FANCC: variants seen among roughly 807,000 people sequenced by gnomAD.
FANCC encodes Fanconi anemia group C protein.
A neutral mutation model predicts 71.3 loss-of-function variants in FANCC; 55 were observed. That is an observed-to-expected ratio of 0.77 (90% CI 0.62 to 0.97). The LOEUF is 0.97. Ranked by LOEUF, FANCC falls within the 50% of genes least tolerant of loss-of-function variation. The pLI is 0.00. For synonymous variants in FANCC, 275 were observed against 244.9 expected (o/e 1.12, Z -1.15); for missense variants, 678 against 670.9 (o/e 1.01, Z -0.12).
At chr9:95,283,450 T>G (rs1833489934) in intron 1 of FANCC, among the ~76,000 whole-genome samples, 2 of 152,212 alleles carry the variant, frequency 1.3e-5, no homozygotes, top group East Asian at 3.9e-4. Context: ...ACAGGACCAA[T>G]AAGGCAGTCT....
chr9:95,267,082 C>T (rs1369564436), intron 1 of FANCC, among the ~76,000 whole-genome samples: 1 of 152,102 alleles, frequency 6.6e-6, no homozygotes, highest in Non-Finnish European at 1.5e-5. Flanking sequence ...GAGGACAAAA[C>T]CATGAGCAGC....
chr9:95,292,824 A>C (rs747816730), intron 1 of FANCC: 129 of 1,581,616 alleles, frequency 8.2e-5, no homozygotes, highest in South Asian at 4.0e-4. Flanking sequence ...TGCTGAGAAG[A>C]AGCACAAATG....
chr9:95,128,592 G>A (rs1230186176), intron 8 of FANCC, among the ~76,000 whole-genome samples: 1 of 152,224 alleles, frequency 6.6e-6, no homozygotes, highest in Non-Finnish European at 1.5e-5. Flanking sequence ...CACTGGGGGA[G>A]CAAGGAAGAC....
At chr9:95,148,026 C>T (rs1014789192) in intron 7 of FANCC, among the ~76,000 whole-genome samples, 7 of 151,904 alleles carry the variant, frequency 4.6e-5, no homozygotes, top group African/African-American at 1.7e-4. Flanking sequence ...GCACTGATAG[C>T]GCAAAAGCAA....
Position 95,120,538 on chromosome 9 carries a change from C to T in FANCC, c.997-3148G>A, listed in dbSNP as rs138417993. Among the ~76,000 whole-genome samples, 216 of 152,146 alleles carry T rather than the reference C, an allele frequency of 1.4e-3. 1 individual carries two copies. The highest frequency in any genetic ancestry group is 5.1e-3 in the African/African-American group (210 of 41,498). ...CAAGCAATCCTCCCACTTCACCCCCCGAGTAGCCGGGACTACAGGCATGCA... is the reference window on the plus strand; with the variant it reads ...CAAGCAATCCTCCCACTTCACCCCCTGAGTAGCCGGGACTACAGGCATGCA... On this transcript the variant is annotated intron_variant, in intron 10 of 14. Coordinates refer to ENST00000289081, the MANE Select transcript of FANCC (RefSeq NM_000136.3).
Position 95,101,656 on chromosome 9 carries a change from C to G in FANCC, c.*51G>C. ...CACAGGTCATCACCTGTCCTGTGGC[C>G]CTGGCGAGCCTGATCCCTCACGCCG... On this transcript the variant is annotated 3_prime_UTR_variant, in exon 15 of 15. Coordinates refer to ENST00000289081, the MANE Select transcript of FANCC (RefSeq NM_000136.3). The G allele has an allele frequency of 6.2e-7, 1 of 1,609,580 alleles. No homozygotes were observed.
chr9:95,117,295 C>G lies in FANCC; in HGVS notation c.1072+20G>C. On this transcript the variant is annotated intron_variant, in intron 11 of 14. Transcript: ENST00000289081. ...TCCCAGGAAATCATTCTGATGTGGG[C>G]AAAGTCAACCCTAACTCACCTTGAG... 1 of 1,611,982 alleles carries G rather than the reference C, an allele frequency of 6.2e-7. No individual in the cohort carries two copies. Among genetic ancestry groups the G allele is most frequent in the South Asian group, 1.1e-5 (1 of 90,836 alleles).
intron 4 of FANCC, among the ~76,000 whole-genome samples, chr9:95,175,659 G>A (rs1007129584): frequency 2.0e-5 from 3 of 152,242 alleles, no homozygotes; most frequent in Non-Finnish European, 1.5e-5. Flanking sequence ...ATCTGTGGAA[G>A]TGCTTACTGC....
chr9:95,222,366 G>T (rs76386703), intron 4 of FANCC, among the ~76,000 whole-genome samples: 3 of 152,012 alleles, frequency 2.0e-5, no homozygotes, highest in African/African-American at 7.3e-5. Flanking sequence ...ACATTATGCC[G>T]AATGAAGGAT....
At chr9:95,125,234 A>T in intron 9 of FANCC, 49 bp from the exon 10 acceptor site, 5 of 1,479,802 alleles carry the variant, frequency 3.4e-6, no homozygotes, top group Non-Finnish European at 4.7e-6. Flanking sequence ...GTAATCCGGC[A>T]AACATGAAAA....
At chr9:95,212,526 T>C (rs1828568309) in intron 4 of FANCC, among the ~76,000 whole-genome samples, 1 of 151,638 alleles carries the variant, frequency 6.6e-6, no homozygotes, top group East Asian at 1.9e-4. Flanking sequence ...GAAGGTGAAA[T>C]AAGGCCTCTT....
rs730881729 is a variant in FANCC, at chr9:95,101,741, C to A, written c.1643G>T (p.Arg548Leu). The change falls in exon 15 of 15, where the codon CGA (arginine) becomes CTA (leucine). Residue 548 changes from arginine (R) to leucine (L), a missense_variant. Transcript: ENST00000289081. ...AGTTCGCAGCTCTTTAAGGAGCTCT[C>A]GGGCCAGTTTTTCTGATCTAGGGCT... is the stretch of plus-strand genomic sequence containing the variant. Reference protein sequence around the residue: ...IESPRSEKLARELLKELRTQV With the variant: ...IESPRSEKLALELLKELRTQV The A allele has an allele frequency of 6.2e-7, 1 of 1,613,964 alleles. No homozygotes were observed. Among genetic ancestry groups the A allele is most frequent in the Non-Finnish European group, 8.5e-7 (1 of 1,180,024 alleles).
At chr9:95,146,292 G>C (rs988903312) in intron 7 of FANCC, among the ~76,000 whole-genome samples, 1 of 151,816 alleles carries the variant, frequency 6.6e-6, no homozygotes, top group Non-Finnish European at 1.5e-5. Flanking sequence ...TTCAAGACCA[G>C]CCTAGGCAAC....
intron 1 of FANCC, chr9:95,294,088 C>T: frequency 2.5e-6 from 4 of 1,610,854 alleles, no homozygotes; most frequent in Non-Finnish European, 2.5e-6. Context: ...GACAGATAAT[C>T]AGACCCAAAC....
chr9:95,227,387 G>A (rs1179574559), intron 4 of FANCC, among the ~76,000 whole-genome samples: 1 of 152,162 alleles, frequency 6.6e-6, no homozygotes, highest in Non-Finnish European at 1.5e-5. Context: ...AAATCCAGAG[G>A]AGCCAACCAA....
intron 1 of FANCC, among the ~76,000 whole-genome samples, chr9:95,282,987 C>G (rs915693843): frequency 6.6e-6 from 1 of 152,108 alleles, no homozygotes; most frequent in African/African-American, 2.4e-5. Context: ...TAACCCAAAG[C>G]CCAAACTTTG....
At chr9:95,211,809 C>T (rs1378207859) in intron 4 of FANCC, among the ~76,000 whole-genome samples, 6 of 147,926 alleles carry the variant, frequency 4.1e-5, no homozygotes, top group Admixed American at 1.4e-4. Flanking sequence ...AACAATTACA[C>T]GTATTATAGG....
At chr9:95,197,814 G>T (rs1827551070) in intron 4 of FANCC, among the ~76,000 whole-genome samples, 2 of 152,164 alleles carry the variant, frequency 1.3e-5, no homozygotes, top group Admixed American at 1.3e-4. Context: ...CAGGCAGAAG[G>T]CCAAGAAACA....
At chr9:95,252,518 G>A (rs992152492) in intron 1 of FANCC, among the ~76,000 whole-genome samples, 2 of 151,814 alleles carry the variant, frequency 1.3e-5, no homozygotes, top group African/African-American at 2.4e-5. Context: ...AGGCAGAGAC[G>A]GGCGGATCAC....
Sources: gnomAD v4.1 joint callset for allele counts (sites outside exome capture counted in the v4.1 genomes callset) on GRCh38, gnomAD v4.1.1 for gene constraint, MANE v1.5 for transcripts, NCBI Gene and HGNC (gene_info 2026-07-23, HGNC 2026-07-21) for gene names.